The following KDM4B variants were observed in gnomAD, a reference collection of about 807,000 sequenced individuals.
KDM4B encodes the protein lysine-specific demethylase 4B.
KDM4B carries 32 observed loss-of-function variants against 125.2 expected under a neutral mutation model. That is an observed-to-expected ratio of 0.26 (90% confidence interval 0.19 to 0.34). The LOEUF is 0.34. KDM4B is among the 10% of genes least tolerant of loss of function. The probability of loss-of-function intolerance (pLI) is 1.00; values close to 1 mark genes in which losing one functional copy is unlikely to be tolerated. For missense variants in KDM4B, 1,190 were observed against 1,577.7 expected (o/e 0.75, Z 4.16); for synonymous variants, 721 against 677.9 (o/e 1.06, Z -0.99).
chr19:5,042,206 A>G (rs902991593), intron 5 of KDM4B, among the ~76,000 whole-genome samples: 1 of 152,204 alleles, frequency 6.6e-6, no homozygotes, highest in Non-Finnish European at 1.5e-5. Context: ...GCACTGCTAT[A>G]AAGAAATAAC....
chr19:5,067,708 A>G (rs1047105719), intron 6 of KDM4B, among the ~76,000 whole-genome samples: 2 of 152,154 alleles, frequency 1.3e-5, no homozygotes, highest in East Asian at 3.9e-4. Flanking sequence ...GTAGCATCTC[A>G]GAGCTGGACA....
At chr19:5,151,302 C>A in intron 22 of KDM4B, 33 bp from the exon 23 acceptor site, 1 of 1,453,722 alleles carries the variant, frequency 6.9e-7, no homozygotes, top group South Asian at 1.4e-5. Flanking sequence ...GTGTCTCCAC[C>A]GTGCTAACCA....
At chr19:5,121,609 A>G (rs1023513450) in intron 11 of KDM4B, among the ~76,000 whole-genome samples, 5 of 152,192 alleles carry the variant, frequency 3.3e-5, no homozygotes, top group African/African-American at 1.2e-4. Flanking sequence ...ACCAGAAATA[A>G]TGGATCTTAG....
intron 1 of KDM4B, among the ~76,000 whole-genome samples, chr19:5,012,163 G>A (rs957256486): frequency 3.3e-5 from 5 of 152,182 alleles, no homozygotes; most frequent in African/African-American, 4.8e-5. Flanking sequence ...GACAGGCTGG[G>A]CCCGTGGCAG....
intron 1 of KDM4B, among the ~76,000 whole-genome samples, chr19:5,014,284 G>C (rs917206799): frequency 6.6e-6 from 1 of 152,082 alleles, no homozygotes; most frequent in Non-Finnish European, 1.5e-5. Context: ...GTTTTGTTTT[G>C]TTTTGTTTTT....
intron 6 of KDM4B, among the ~76,000 whole-genome samples, chr19:5,061,889 A>C (rs1023159615): frequency 1.3e-5 from 2 of 152,022 alleles, no homozygotes; most frequent in African/African-American, 4.8e-5. Context: ...GAAGAAAGAA[A>C]TAGGGTAGCT....
At chr19:4,976,826 C>G (rs1025165330) in intron 1 of KDM4B, among the ~76,000 whole-genome samples, 2 of 152,200 alleles carry the variant, frequency 1.3e-5, no homozygotes, top group Non-Finnish European at 2.9e-5. Context: ...TCACTCTTCT[C>G]CTGGCTGACA....
At position 4,971,709 on chromosome 19, in the gene KDM4B, C is replaced by T. The variant is rs1183216478; in HGVS notation, c.-109+2479C>T. On this transcript the variant is annotated intron_variant, in intron 1 of 22. Coordinates refer to ENST00000159111, the MANE Select transcript of KDM4B (RefSeq NM_015015.3). The surrounding 1 kb of genome is among the most constrained non-coding windows in gnomAD (Gnocchi z 4.1). Reference sequence around the variant, plus strand: ...TGGTCACAGCTGGAATGGTGGTGTGCAGTCCGCTGCCCTCGGGCCCAGCTC... The same window carrying T: ...TGGTCACAGCTGGAATGGTGGTGTGTAGTCCGCTGCCCTCGGGCCCAGCTC... Among the ~76,000 whole-genome samples the T allele has an allele frequency of 2.0e-5, 3 of 152,140 alleles. No homozygotes were observed. The highest frequency in any genetic ancestry group is 4.4e-5 in the Non-Finnish European group (3 of 68,030).
chr19:5,052,794 C>T (rs1599510627), intron 6 of KDM4B, among the ~76,000 whole-genome samples: 3 of 152,336 alleles, frequency 2.0e-5, no homozygotes, highest in Admixed American at 6.5e-5. Flanking sequence ...TGGGGTAGCG[C>T]GCTGGCGCCC....
intron 5 of KDM4B, among the ~76,000 whole-genome samples, chr19:5,046,770 G>A (rs926237345): frequency 2.3e-4 from 35 of 152,186 alleles, no homozygotes; most frequent in African/African-American, 7.5e-4. Context: ...CCTTGGCTCC[G>A]GTACCATCGC....
chr19:5,149,278 TC>T (rs1182252508), intron 21 of KDM4B, among the ~76,000 whole-genome samples: 1 of 152,232 alleles, frequency 6.6e-6, no homozygotes, highest in Non-Finnish European at 1.5e-5. Context: ...TTTATACACT[TC>T]CGTCATGGTC....
chr19:5,151,133 G>A lies in KDM4B; in HGVS notation c.3115-202G>A, dbSNP rs2039939862. Among the ~76,000 whole-genome samples, 3 of 152,352 alleles carry A rather than the reference G, an allele frequency of 2.0e-5. No individual in the cohort carries two copies. In the South Asian group the frequency reaches 6.2e-4, roughly 32 times the overall value. Reference sequence around the variant, plus strand: ...GCCAGGGTGCCCACCCCACTAGGGGGCCAGAGGCTGGGGCCGAGTGCAGGG... The same window carrying A: ...GCCAGGGTGCCCACCCCACTAGGGGACCAGAGGCTGGGGCCGAGTGCAGGG... On this transcript the variant is annotated intron_variant, in intron 22 of 22. Coordinates refer to ENST00000159111, the MANE Select transcript of KDM4B (RefSeq NM_015015.3).
At chr19:5,025,250 G>C (rs372016629) in intron 2 of KDM4B, among the ~76,000 whole-genome samples, 1 of 152,272 alleles carries the variant, frequency 6.6e-6, no homozygotes, top group Non-Finnish European at 1.5e-5. Context: ...GGGAGGCCGA[G>C]ATGAGGGGAT....
chr19:4,978,793 G>A lies in KDM4B; in HGVS notation c.-109+9563G>A, dbSNP rs775931651. ...GGTGTGGTCAGGCCCAGGCTGGTGC[G>A]TGGTCACTGGGAGCTCGGGCAGCAT... On this transcript the variant is annotated intron_variant, in intron 1 of 22. Coordinates refer to ENST00000159111, the MANE Select transcript of KDM4B (RefSeq NM_015015.3). 5.3e-5 allele frequency among the ~76,000 whole-genome samples: 8 copies of A among 152,338 alleles called. 1 individual carries two copies. The highest frequency in any genetic ancestry group is 2.1e-4 in the South Asian group (1 of 4,832).
At position 4,980,425 on chromosome 19, in the gene KDM4B, T is replaced by C. The variant is rs866121199; in HGVS notation, c.-109+11195T>C. On this transcript the variant is annotated intron_variant, in intron 1 of 22. Coordinates refer to ENST00000159111, the MANE Select transcript of KDM4B (RefSeq NM_015015.3). ...AGAGCCTTGTCCCTTTTCTTTCTTT[T>C]TTTTTTTTTTTTTTTTGAGATGGAG... Among the ~76,000 whole-genome samples, 1,286 of 143,050 alleles carry C rather than the reference T, an allele frequency of 9.0e-3. 18 individuals are homozygous for C. The highest frequency in any genetic ancestry group is 0.031 in the African/African-American group (1,188 of 38,638). The allele number at this position is 143,050 out of a possible 152,430, so 93.8% of individuals were successfully genotyped here. A position where few individuals can be genotyped will look rare whatever the true frequency, so the allele number is the denominator to read the frequency against.
intron 2 of KDM4B, among the ~76,000 whole-genome samples, chr19:5,025,801 C>T (rs549414628): frequency 1.6e-4 from 24 of 152,342 alleles, no homozygotes; most frequent in African/African-American, 3.1e-4. Context: ...GACGCAGCCC[C>T]GCTGCCACCC....
chr19:4,997,875 C>T lies in KDM4B; in HGVS notation c.-108-18382C>T, dbSNP rs1458748258. Reference sequence around the variant, plus strand: ...CCCAGGGCCAGGAGTGAGGGGCGGACGTGCCACTCTGCACTGCTGTCCCTC... The same window carrying T: ...CCCAGGGCCAGGAGTGAGGGGCGGATGTGCCACTCTGCACTGCTGTCCCTC... On this transcript the variant is annotated intron_variant, in intron 1 of 22. Coordinates refer to ENST00000159111, the MANE Select transcript of KDM4B (RefSeq NM_015015.3). This position sits in a 1 kb window ranked among gnomAD's most constrained non-coding sequence, Gnocchi z 4.2. 1.3e-5 allele frequency among the ~76,000 whole-genome samples: 2 copies of T among 152,258 alleles called. No individual in the cohort carries two copies. Among genetic ancestry groups the T allele is most frequent in the African/African-American group, 4.8e-5 (2 of 41,482 alleles).
At chr19:5,017,369 G>T (rs977020421) in intron 2 of KDM4B, among the ~76,000 whole-genome samples, 2 of 152,192 alleles carry the variant, frequency 1.3e-5, no homozygotes, top group Admixed American at 1.3e-4. Flanking sequence ...ACATGGCTGT[G>T]TCCATTTGCC....
intron 16 of KDM4B, 113 bp downstream of exon 16, chr19:5,137,451 C>T (rs2039668977): frequency 1.6e-6 from 2 of 1,244,752 alleles, no homozygotes; most frequent in Non-Finnish European, 2.3e-6. Context: ...GGTTCCTTCA[C>T]CTCTGCCCTG....
Sources: gnomAD v4.1 joint callset for allele counts (sites outside exome capture counted in the v4.1 genomes callset) on GRCh38, gnomAD v4.1.1 for gene constraint, Gnocchi (gnomAD v3.1) non-coding constraint, MANE v1.5 for transcripts, NCBI Gene and HGNC (gene_info 2026-07-23, HGNC 2026-07-21) for gene names.